The following ERMP1 variants were observed in gnomAD, a reference collection of about 807,000 sequenced individuals.
The protein encoded by ERMP1 is endoplasmic reticulum metallopeptidase 1, also known as Felix-ina.
ERMP1 carries 86 observed loss-of-function variants against 92.0 expected under a neutral mutation model. That is an observed-to-expected ratio of 0.93 (90% CI 0.79 to 1.12). The LOEUF (loss-of-function observed/expected upper bound fraction) is 1.12, where lower values mean the gene tolerates loss of function less well. Among genes scored for constraint, ERMP1 ranks in the 50% most tolerant of loss-of-function variants. The pLI, the probability that ERMP1 is intolerant of heterozygous loss-of-function variation, is 0.00. For synonymous variants in ERMP1, 530 were observed against 412.8 expected (o/e 1.28, Z -3.44); for missense variants, 1,342 against 1,116.3 (o/e 1.20, Z -2.88).
At chr9:5,809,845 G>T (rs945836141) in intron 8 of ERMP1, among the ~76,000 whole-genome samples, 166 bp downstream of exon 8, 1 of 152,130 alleles carries the variant, frequency 6.6e-6, no homozygotes, top group Non-Finnish European at 1.5e-5. Flanking sequence ...ATTACCCTCA[G>T]AATAAGAAAT....
Position 5,801,181 on chromosome 9 carries a change from G to T in ERMP1, c.2062C>A (p.Leu688Ile), listed in dbSNP as rs367642040. ...CCTCATGCAAAACTGCTCACCTGAA[G>T]AAACACTCTCTTTGGCTTCGGATTA... ...PANPKPKRVF[L>I]QHMTRTFHDL... The change falls in exon 11 of 15, where the codon CTT becomes ATT. Residue 688 changes from leucine (L) to isoleucine (I), a missense_variant. Leu to Ile is a conservative substitution (Grantham distance 5). Coordinates refer to ENST00000339450, the MANE Select transcript of ERMP1 (RefSeq NM_024896.3). 1.2e-6 allele frequency: 2 copies of T among 1,610,826 alleles called. No individual in the cohort carries two copies. Among genetic ancestry groups the T allele is most frequent in the African/African-American group, 2.7e-5 (2 of 74,730 alleles).
At chr9:5,836,984 G>A (rs1234574318), upstream of ERMP1, among the ~76,000 whole-genome samples, 1 of 152,134 alleles carries the variant, frequency 6.6e-6, no homozygotes, top group East Asian at 1.9e-4. Context: ...CTGTATCTAG[G>A]TAGGCACAGA....
intron 6 of ERMP1, among the ~76,000 whole-genome samples, chr9:5,843,805 G>A (rs1830199321): frequency 6.6e-6 from 1 of 152,192 alleles, no homozygotes; most frequent in African/African-American, 2.4e-5. Flanking sequence ...GGACAGTGTT[G>A]CACACACCGG....
intron 5 of ERMP1, among the ~76,000 whole-genome samples, chr9:5,862,635 C>G (rs770995839): frequency 6.6e-6 from 1 of 152,216 alleles, no homozygotes; most frequent in Non-Finnish European, 1.5e-5. Flanking sequence ...GCATGAGCCA[C>G]TGTGTCAGGC....
chr9:5,832,967 C>G lies in ERMP1; in HGVS notation c.61G>C (p.Glu21Gln). 6.4e-7 allele frequency: 1 copy of G among 1,566,074 alleles called. No homozygotes were observed. Among genetic ancestry groups the G allele is most frequent in the East Asian group, 2.5e-5 (1 of 40,484 alleles). Residue 21 changes from glutamate (E) to glutamine (Q), a missense_variant, in exon 1 of 15, where the codon GAG (glutamate) becomes CAG (glutamine). By Grantham distance (29) the Glu-to-Gln change is conservative (BLOSUM62 2). Coordinates refer to ENST00000339450, the MANE Select transcript of ERMP1 (RefSeq NM_024896.3). Reference sequence around the variant, plus strand: ...GGCGGTGGCGCGGCCGCCGCTCCCTCTCGACGCTCTACTCCGACGCGGTGC... The same window carrying G: ...GGCGGTGGCGCGGCCGCCGCTCCCTGTCGACGCTCTACTCCGACGCGGTGC... Reference protein sequence around the residue: ...RRHRVGVERREGAAAAPPPER... With the variant: ...RRHRVGVERRQGAAAAPPPER...
intron 10 of ERMP1, 151 bp downstream of exon 10, chr9:5,804,875 AT>A: frequency 1.6e-6 from 1 of 639,658 alleles, no homozygotes; most frequent in Non-Finnish European, 2.6e-6. Context: ...ACGATACCAA[AT>A]TTACAAGATG....
intron 10 of ERMP1, among the ~76,000 whole-genome samples, chr9:5,804,315 TTGGGGCTTACTC>T (rs967779010): frequency 3.9e-5 from 6 of 152,072 alleles, no homozygotes; most frequent in Non-Finnish European, 7.4e-5. Flanking sequence ...AAAACCTTGC[TTGGGGCTTACTC>T]TGCTCAAGGG....
chr9:5,836,613 C>A (rs974538432), upstream of ERMP1, among the ~76,000 whole-genome samples: 1 of 152,138 alleles, frequency 6.6e-6, no homozygotes, highest in African/African-American at 2.4e-5. Context: ...TCAGGGTACA[C>A]CATCAGTTTT....
At chr9:5,821,972 G>A (rs1183720608) in intron 4 of ERMP1, among the ~76,000 whole-genome samples, 1 of 152,196 alleles carries the variant, frequency 6.6e-6, no homozygotes, top group African/African-American at 2.4e-5. Context: ...AATAGAAAGA[G>A]GCCGGGCGTG....
intron 4 of ERMP1, among the ~76,000 whole-genome samples, chr9:5,822,200 C>T (rs1361378522): frequency 6.6e-6 from 1 of 151,620 alleles, no homozygotes; most frequent in Admixed American, 6.6e-5. Context: ...TGCAGTGAGC[C>T]GAGATCATAC....
At position 5,816,736 on chromosome 9, in the gene ERMP1, G is replaced by T. The variant is rs191648777; in HGVS notation, c.875-3701C>A. Among the ~76,000 whole-genome samples, 9 of 152,262 alleles carry T rather than the reference G, an allele frequency of 5.9e-5. No homozygotes were observed. The East Asian group carries it at 1.5e-3, about 26-fold the overall frequency. ...ACAGCACCAACGGAATGGATCAATTGTTGTAGAATTGACTAGTGTTCGGCA... is the reference window on the plus strand; with the variant it reads ...ACAGCACCAACGGAATGGATCAATTTTTGTAGAATTGACTAGTGTTCGGCA... On this transcript the variant is annotated intron_variant, in intron 4 of 14. Transcript: ENST00000339450.
At position 5,828,946 on chromosome 9, in the gene ERMP1, T is replaced by TA. The variant is rs542852904; in HGVS notation, c.640+1780dup. On this transcript the variant is annotated intron_variant, in intron 2 of 14. Coordinates refer to ENST00000339450, the MANE Select transcript of ERMP1 (RefSeq NM_024896.3). ...ATTTATTACTGCTTTGAAATGGACA[T>TA]AAAAAAACCACTGGTGGCCGGGCAC... Among the ~76,000 whole-genome samples the TA allele has an allele frequency of 6.6e-3, 1,000 of 151,900 alleles. 10 individuals are homozygous for TA. Among genetic ancestry groups the TA allele is most frequent in the Non-Finnish European group, 8.9e-3 (602 of 67,964 alleles).
chr9:5,822,533 T>C (rs954777061), intron 4 of ERMP1, among the ~76,000 whole-genome samples: 1 of 152,218 alleles, frequency 6.6e-6, no homozygotes, highest in Non-Finnish European at 1.5e-5. Flanking sequence ...TATGAAGACA[T>C]ACTTAGCATA....
intron 9 of ERMP1, 51 bp from the exon 10 acceptor site, chr9:5,805,268 T>G (rs865872177): frequency 1.5e-6 from 2 of 1,367,936 alleles, no homozygotes; most frequent in Admixed American, 2.3e-5. Flanking sequence ...TCCAGTGAGA[T>G]ATAAATTTTT....
chr9:5,855,332 C>CA (rs1830360454), intron 6 of ERMP1, among the ~76,000 whole-genome samples: 1 of 152,142 alleles, frequency 6.6e-6, no homozygotes, highest in African/African-American at 2.4e-5. Context: ...AGCAATTAGC[C>CA]AATTTCATTG....
chr9:5,809,293 T>C lies in ERMP1; in HGVS notation c.1548+718A>G, dbSNP rs949348770. Among the ~76,000 whole-genome samples, 143 of 152,272 alleles carry C rather than the reference T, an allele frequency of 9.4e-4. 1 individual carries two copies. The highest frequency in any genetic ancestry group is 3.3e-3 in the African/African-American group (138 of 41,536). On this transcript the variant is annotated intron_variant, in intron 8 of 14. Coordinates refer to ENST00000339450, the MANE Select transcript of ERMP1 (RefSeq NM_024896.3). ...CCTCAGCCTCCCAAAGTGCTGGGAT[T>C]ACAGGCGTGAGCCACCGCGCCCGGC...
At chr9:5,849,875 G>T (rs1314478131) in intron 6 of ERMP1, among the ~76,000 whole-genome samples, 2 of 152,100 alleles carry the variant, frequency 1.3e-5, no homozygotes, top group Non-Finnish European at 2.9e-5. Flanking sequence ...AGGCCAAAGG[G>T]CACTCTTCCA....
chr9:5,805,771 C>A lies in ERMP1; in HGVS notation c.1563G>T (p.Gln521His). The change falls in exon 9 of 15, where the codon CAG becomes CAT. Residue 521 changes from glutamine to histidine, a missense_variant. Coordinates refer to ENST00000339450, the MANE Select transcript of ERMP1 (RefSeq NM_024896.3). ...KRFYYMNASA[Q>H]YLGEVFFDIS... ...TGTCAAAAAATACTTCTCCCAGATA[C>A]TGGGCACTGGCATTCTGAAAGAAAG... is the stretch of plus-strand genomic sequence containing the variant. The A allele has an allele frequency of 6.2e-7, 1 of 1,602,742 alleles. No homozygotes were observed.
intron 8 of ERMP1, among the ~76,000 whole-genome samples, chr9:5,808,100 G>C (rs1828938513): frequency 6.6e-6 from 1 of 152,100 alleles, no homozygotes; most frequent in South Asian, 2.1e-4. Flanking sequence ...TGGGATTACA[G>C]GTGTAAGCCA....
Sources: gnomAD v4.1 joint callset for allele counts (sites outside exome capture counted in the v4.1 genomes callset) on GRCh38, gnomAD v4.1.1 for gene constraint, MANE v1.5 for transcripts, NCBI Gene and HGNC (gene_info 2026-07-23, HGNC 2026-07-21) for gene names.